MTOR: variants seen among roughly 807,000 people sequenced by gnomAD.
The protein encoded by MTOR is mechanistic target of rapamycin kinase.
In MTOR, 70 loss-of-function variants were observed where a neutral mutation model predicts 319.8. That is an observed-to-expected ratio of 0.22 (90% confidence interval 0.18 to 0.27). The LOEUF (loss-of-function observed/expected upper bound fraction) is 0.27. Ranked by LOEUF, MTOR falls within the 10% of genes least tolerant of loss-of-function variation. MTOR has a pLI of 1.00. For missense variants in MTOR, 1,890 were observed against 3,274.4 expected (o/e 0.58, Z 10.32); for synonymous variants, 1,183 against 1,211.4 (o/e 0.98, Z 0.49).
At chr1:11,157,024 A>C in intron 30 of MTOR, 128 bp downstream of exon 30, 1 of 1,185,374 alleles carries the variant, frequency 8.4e-7, no homozygotes, top group Non-Finnish European at 1.2e-6. Context: ...GATTCCTGAG[A>C]AGTATCAAGT....
chr1:11,138,986 C>CT (rs1643561132), intron 36 of MTOR: 1 of 273,510 alleles, frequency 3.7e-6, no homozygotes, highest in Admixed American at 5.2e-5. Context: ...CAAATCTGCT[C>CT]TTTTTTGTAC....
At chr1:11,188,414 A>G (rs1167120898) in intron 28 of MTOR, among the ~76,000 whole-genome samples, 2 of 152,252 alleles carry the variant, frequency 1.3e-5, no homozygotes, top group African/African-American at 2.4e-5. Flanking sequence ...ATTGCAAACC[A>G]TACCAGCAAA....
intron 6 of MTOR, among the ~76,000 whole-genome samples, chr1:11,249,823 T>C (rs1649370797): frequency 6.6e-6 from 1 of 150,424 alleles, no homozygotes; most frequent in Non-Finnish European, 1.5e-5. Flanking sequence ...TACCTCTTTC[T>C]ACACAGACAC....
chr1:11,183,964 C>T (rs10864491), intron 28 of MTOR, among the ~76,000 whole-genome samples: 8,995 of 152,210 alleles, frequency 0.059, 377 homozygotes, highest in South Asian at 0.12. Flanking sequence ...AATATAAATA[C>T]ACAAAATTAA....
intron 46 of MTOR, among the ~76,000 whole-genome samples, chr1:11,126,359 G>A (rs1285090634): frequency 1.3e-5 from 2 of 152,154 alleles, no homozygotes; most frequent in Non-Finnish European, 2.9e-5. Context: ...GCCTTCCACT[G>A]TTACTTCTCT....
At chr1:11,177,960 G>GTA (rs1386063925) in intron 28 of MTOR, among the ~76,000 whole-genome samples, 3 of 144,880 alleles carry the variant, frequency 2.1e-5, no homozygotes, top group Admixed American at 7.2e-5. Context: ...GGTGATGAAA[G>GTA]TATAGATACA....
rs754441995 is a variant in MTOR at position 11,127,717 on chromosome 1, T to C, written c.6123A>G (p.Glu2041=). ...CCTCAAACATGCCTTTCACGTTCCTTTCCCCAAAGTACAAACGAGATGCCT... is the reference window on the plus strand; with the variant it reads ...CCTCAAACATGCCTTTCACGTTCCTCTCCCCAAAGTACAAACGAGATGCCT... ...LEEASRLYFG[E]RNVKGMFEVL... is the part of the protein sequence containing the mutation. The change falls in exon 44 of 58, where the codon GAA becomes GAG. Residue 2041 remains glutamate, a synonymous_variant. Transcript: ENST00000361445. The surrounding 1 kb of genome is among the most constrained non-coding windows in gnomAD (Gnocchi z 5.5). 3.7e-6 allele frequency: 6 copies of C among 1,614,140 alleles called. No individual in the cohort carries two copies. The South Asian group carries it at 6.6e-5, about 18-fold the overall frequency.
chr1:11,134,943 A>G (rs1643333759), intron 36 of MTOR, among the ~76,000 whole-genome samples: 1 of 152,242 alleles, frequency 6.6e-6, no homozygotes, highest in Non-Finnish European at 1.5e-5. Context: ...CACCCAAATA[A>G]GAACACAGAT....
At position 11,130,692 on chromosome 1, in the gene MTOR, AG is replaced by A; in HGVS notation, c.5449del (p.Leu1817CysfsTer62). On this transcript the variant is annotated frameshift_variant, in exon 39 of 58. Coordinates refer to ENST00000361445, the MANE Select transcript of MTOR (RefSeq NM_004958.4). LOFTEE classifies it high-confidence loss of function. ...QNQARDEKKK[L>X]RHASGANITN... is the part of the protein sequence containing the mutation. ...GATGTTGGCCCCGCTGGCATGACGC[AG>A]TTTCTTCTTCTCATCGCGGGCTTGG... 1 of 1,609,418 alleles carries A rather than the reference AG, an allele frequency of 6.2e-7. No individual in the cohort carries two copies. Among genetic ancestry groups the A allele is most frequent in the Non-Finnish European group, 8.5e-7 (1 of 1,178,198 alleles).
chr1:11,252,589 C>CTGAG (rs1649838219), intron 6 of MTOR, among the ~76,000 whole-genome samples: 2 of 152,194 alleles, frequency 1.3e-5, no homozygotes, highest in Non-Finnish European at 2.9e-5. Flanking sequence ...GGTAACTTGC[C>CTGAG]TGAGTCGCAC....
At chr1:11,150,043 G>C (rs1292970571) in intron 31 of MTOR, 83 bp downstream of exon 31, 5 of 1,239,340 alleles carry the variant, frequency 4.0e-6, no homozygotes, top group East Asian at 2.3e-5. Flanking sequence ...TCTCCACCTA[G>C]AGCCAGCACC....
intron 26 of MTOR, among the ~76,000 whole-genome samples, chr1:11,202,926 A>C (rs1646025076): frequency 6.6e-6 from 1 of 151,626 alleles, no homozygotes; most frequent in African/African-American, 2.4e-5. Flanking sequence ...AAAAACAAAA[A>C]ACCAGGCGGG....
chr1:11,140,056 C>T lies in MTOR; in HGVS notation c.4873-398G>A, dbSNP rs1643618872. ...GCAAGGCTGCTCTCGAACTCCTGAC[C>T]TTAACTGATCTGCCTGCTTCGGCTC... On this transcript the variant is annotated intron_variant, in intron 34 of 57. Coordinates refer to ENST00000361445, the MANE Select transcript of MTOR (RefSeq NM_004958.4). Among the ~76,000 whole-genome samples the T allele has an allele frequency of 2.6e-5, 4 of 152,054 alleles. No homozygotes were observed. The South Asian group carries it at 8.3e-4, about 32-fold the overall frequency.
chr1:11,130,794 G>A lies in MTOR; in HGVS notation c.5365-17C>T, dbSNP rs1037527018. 1.3e-6 allele frequency: 2 copies of A among 1,554,500 alleles called. No individual in the cohort carries two copies. The highest frequency in any genetic ancestry group is 1.7e-6 in the Non-Finnish European group (2 of 1,148,878). ...ATGCCAGGCCTGGTTGGGGAGAAAG[G>A]CAAGGACAGACACTGGAGCTGTGAC... On this transcript the variant is annotated splice_polypyrimidine_tract_variant and intron_variant, in intron 38 of 57. Coordinates refer to ENST00000361445, the MANE Select transcript of MTOR (RefSeq NM_004958.4).
chr1:11,257,559 T>C (rs1357423638), intron 3 of MTOR, among the ~76,000 whole-genome samples: 1 of 95,622 alleles, frequency 1.0e-5, no homozygotes, highest in African/African-American at 3.8e-5. Flanking sequence ...TGAGACTCTG[T>C]CTCAGAGAAA....
chr1:11,173,286 G>C (rs188819021), intron 28 of MTOR, among the ~76,000 whole-genome samples: 2 of 151,790 alleles, frequency 1.3e-5, no homozygotes, highest in East Asian at 3.9e-4. Context: ...GAGCCACCTC[G>C]CCTAGCCCAC....
Position 11,121,970 on chromosome 1 carries a change from A to G in MTOR, c.6810+9T>C, listed in dbSNP as rs1253881636. 3 of 1,613,748 alleles carry G rather than the reference A, an allele frequency of 1.9e-6. No homozygotes were observed. In the Admixed American group the frequency reaches 5.0e-5, roughly 27 times the overall value. ...AAGGGGCACTAGCTCTCGTGGCCGC[A>G]TCACATACCCGCAACATGATGCGAT... On this transcript the variant is annotated intron_variant, in intron 48 of 57. Transcript: ENST00000361445. This position sits in a 1 kb window ranked among gnomAD's most constrained non-coding sequence, Gnocchi z 4.9.
At chr1:11,253,255 A>G (rs1390536369) in intron 6 of MTOR, among the ~76,000 whole-genome samples, 1 of 152,112 alleles carries the variant, frequency 6.6e-6, no homozygotes, top group Admixed American at 6.5e-5. Context: ...CACCTTCTCA[A>G]GCCAACACAT....
chr1:11,257,517 T>C (rs1650563893), intron 3 of MTOR, among the ~76,000 whole-genome samples: 2 of 133,734 alleles, frequency 1.5e-5, no homozygotes, highest in African/African-American at 2.8e-5. Context: ...AAGCCGAGAC[T>C]GCACCATTGC....
Sources: allele counts gnomAD v4.1 joint callset (sites outside exome capture counted in the v4.1 genomes callset), GRCh38; gene constraint gnomAD v4.1.1; non-coding constraint Gnocchi (gnomAD v3.1); transcripts MANE v1.5; gene names NCBI Gene and HGNC (gene_info 2026-07-23, HGNC 2026-07-21).